The following CALD1 variants were observed in gnomAD, a reference collection of about 807,000 sequenced individuals.
CALD1 encodes caldesmon.
A neutral mutation model predicts 99.9 loss-of-function variants in CALD1; 33 were observed. The observed-to-expected ratio is 0.33, with a 90% confidence interval of 0.25 to 0.44. The LOEUF (loss-of-function observed/expected upper bound fraction) is 0.44, where lower values mean the gene tolerates loss of function less well. CALD1 is among the 20% of genes least tolerant of loss of function. CALD1 has a pLI of 1.00. For synonymous variants in CALD1, 310 were observed against 325.0 expected (o/e 0.95, Z 0.50); for missense variants, 861 against 962.1 (o/e 0.89, Z 1.39).
At chr7:134,752,455 T>G (rs1796692718) in intron 1 of CALD1, among the ~76,000 whole-genome samples, 1 of 152,208 alleles carries the variant, frequency 6.6e-6, no homozygotes, top group Non-Finnish European at 1.5e-5. Context: ...ATCTAAATTA[T>G]AAAAGTGAAA....
At chr7:134,896,117 G>A (rs1441105199) in intron 3 of CALD1, among the ~76,000 whole-genome samples, 2 of 152,142 alleles carry the variant, frequency 1.3e-5, no homozygotes, top group African/African-American at 4.8e-5. Flanking sequence ...CTTAGACTGT[G>A]TGGTCCAACC....
At chr7:134,730,414 C>A in the CALD1 span, among the ~76,000 whole-genome samples, 1 of 152,176 alleles carries the variant, frequency 6.6e-6, no homozygotes, top group East Asian at 1.9e-4. Context: ...ACAAATCCAT[C>A]ATGTAAGGAC....
At chr7:134,833,079 T>C (rs1799295824) in intron 1 of CALD1, among the ~76,000 whole-genome samples, 1 of 152,232 alleles carries the variant, frequency 6.6e-6, no homozygotes, top group African/African-American at 2.4e-5. Context: ...AATGCCAGAA[T>C]TGCCATTTCA....
chr7:134,765,254 C>T (rs1796815068), intron 1 of CALD1, among the ~76,000 whole-genome samples: 1 of 150,024 alleles, frequency 6.7e-6, no homozygotes, highest in Admixed American at 6.6e-5. Context: ...GCAGAGGTTG[C>T]AGTGAGCTGA....
At chr7:134,859,165 G>T (rs959021792) in intron 2 of CALD1, among the ~76,000 whole-genome samples, 1 of 152,184 alleles carries the variant, frequency 6.6e-6, no homozygotes, top group African/African-American at 2.4e-5. Context: ...AGGGATAGGG[G>T]TCTACCCTTT....
upstream of CALD1, among the ~76,000 whole-genome samples, chr7:134,778,921 C>T (rs1428611320): frequency 6.6e-6 from 1 of 152,166 alleles, no homozygotes; most frequent in Non-Finnish European, 1.5e-5. Flanking sequence ...TAGGTTTATT[C>T]TGGCCAGTAT....
intron 1 of CALD1, among the ~76,000 whole-genome samples, chr7:134,819,153 A>T (rs1798673768): frequency 1.3e-5 from 2 of 152,274 alleles, no homozygotes; most frequent in African/African-American, 4.8e-5. Flanking sequence ...GAGCAAGAAA[A>T]AAAGGCCTGG....
At chr7:134,823,346 T>C (rs919115826) in intron 1 of CALD1, among the ~76,000 whole-genome samples, 57 of 152,206 alleles carry the variant, frequency 3.7e-4, no homozygotes, top group African/African-American at 1.3e-3. Context: ...GAGCCAAACA[T>C]TGGGTATCAT....
intron 1 of CALD1, among the ~76,000 whole-genome samples, chr7:134,749,371 G>A (rs142100514): frequency 6.6e-6 from 1 of 152,352 alleles, no homozygotes; most frequent in African/African-American, 2.4e-5. Flanking sequence ...TGTAATTCCA[G>A]CATTTTGGGA....
intron 3 of CALD1, among the ~76,000 whole-genome samples, chr7:134,894,082 G>A (rs1049716939): frequency 6.6e-6 from 1 of 152,142 alleles, no homozygotes; most frequent in Non-Finnish European, 1.5e-5. Flanking sequence ...ATAAAGATAA[G>A]CTGTCCATTT....
chr7:134,711,794 ATAAC>A, the CALD1 span, among the ~76,000 whole-genome samples: 2 of 150,770 alleles, frequency 1.3e-5, no homozygotes, highest in Admixed American at 6.6e-5. Context: ...CTGGAAAACT[ATAAC>A]TAATACAGGC....
chr7:134,832,144 TCTTCCAGCAGAGAGTACC>T (rs1212931227), intron 1 of CALD1, among the ~76,000 whole-genome samples: 1 of 152,220 alleles, frequency 6.6e-6, no homozygotes, highest in Non-Finnish European at 1.5e-5. Flanking sequence ...CTTTCTTCCT[TCTTCCAGCAGAGAGTACC>T]CAGGAGATCT....
intron 3 of CALD1, among the ~76,000 whole-genome samples, chr7:134,891,129 C>T (rs1316057597): frequency 7.9e-5 from 12 of 152,176 alleles, no homozygotes; most frequent in Non-Finnish European, 1.6e-4. Context: ...CATGTAATAC[C>T]ATGATCAACT....
intron 2 of CALD1, among the ~76,000 whole-genome samples, chr7:134,859,181 C>CA (rs1800454184): frequency 2.0e-5 from 3 of 152,212 alleles, no homozygotes; most frequent in African/African-American, 7.2e-5. Context: ...CCTTTCCATG[C>CA]ACCCCCATTT....
chr7:134,799,113 C>A (rs1025679287), intron 1 of CALD1, among the ~76,000 whole-genome samples: 3 of 152,130 alleles, frequency 2.0e-5, no homozygotes, highest in Non-Finnish European at 4.4e-5. Context: ...TTTTAAAGTT[C>A]ATTTTAAGTA....
chr7:134,769,742 A>C (rs1376460076), intron 1 of CALD1, among the ~76,000 whole-genome samples: 1 of 152,072 alleles, frequency 6.6e-6, no homozygotes, highest in East Asian at 1.9e-4. Flanking sequence ...GGTTCAAGCA[A>C]TTCTCCTGCC....
intron 2 of CALD1, among the ~76,000 whole-genome samples, chr7:134,853,202 A>G (rs1332642697): frequency 6.6e-6 from 1 of 152,214 alleles, no homozygotes; most frequent in Non-Finnish European, 1.5e-5. Flanking sequence ...GAAGTGGGAA[A>G]GAAGTGGGTG....
chr7:134,812,625 G>A (rs760962004), intron 1 of CALD1, among the ~76,000 whole-genome samples: 1 of 151,174 alleles, frequency 6.6e-6, no homozygotes, highest in East Asian at 1.9e-4. Flanking sequence ...TGGTCTAAAA[G>A]ACTGGAATAA....
At chr7:134,883,844 A>T (rs1237912270) in intron 3 of CALD1, among the ~76,000 whole-genome samples, 1 of 152,148 alleles carries the variant, frequency 6.6e-6, no homozygotes. Flanking sequence ...GCGGTGGCTC[A>T]CGCCTGTAAT....
Sources: gnomAD v4.1 joint callset for allele counts (sites outside exome capture counted in the v4.1 genomes callset) on GRCh38, gnomAD v4.1.1 for gene constraint, MANE v1.5 for transcripts, NCBI Gene and HGNC (gene_info 2026-07-23, HGNC 2026-07-21) for gene names.